Variants in SEMA4A observed in about 807,000 individuals in gnomAD.
SEMA4A encodes semaphorin 4A, also known as semaphorin-4A.
Under a neutral mutation model 72.5 loss-of-function variants are expected in SEMA4A, and 52 were observed. That is an observed-to-expected ratio of 0.72 (90% CI 0.57 to 0.90). The LOEUF (loss-of-function observed/expected upper bound fraction) is 0.90. Ranked by LOEUF, SEMA4A falls within the 40% of genes least tolerant of loss-of-function variation. The probability of loss-of-function intolerance (pLI) is 0.00; values close to 1 mark genes in which losing one functional copy is unlikely to be tolerated. For missense variants in SEMA4A, 926 were observed against 959.7 expected, an observed-to-expected ratio of 0.96 and a Z score of 0.46; for synonymous variants, 369 against 393.1, an observed-to-expected ratio of 0.94 and a Z score of 0.73.
rs769144891 is a variant in SEMA4A, at chr1:156,161,448, C to T, written c.913C>T (p.Arg305Cys). The change falls in exon 9 of 15, where the codon CGC becomes TGC. Residue 305 changes from arginine (R) to cysteine (C), a missense_variant. Arg to Cys is a radical substitution (Grantham distance 180). Coordinates refer to ENST00000368285, the MANE Select transcript of SEMA4A (RefSeq NM_022367.4). ...QPGQLPFNVI[R>C]HAVLLPADSP... Reference sequence around the variant, plus strand: ...GGGGCAGCTGCCCTTCAACGTCATCCGCCACGCGGTCCTGCTCCCCGCCGA... The same window carrying T: ...GGGGCAGCTGCCCTTCAACGTCATCTGCCACGCGGTCCTGCTCCCCGCCGA... The T allele has an allele frequency of 8.7e-6, 14 of 1,613,998 alleles. No individual in the cohort carries two copies. Among genetic ancestry groups the T allele is most frequent in the Non-Finnish European group, 1.2e-5 (14 of 1,179,992 alleles).
rs1653247820 is a variant in SEMA4A, at chr1:156,158,390, A to T, written c.366A>T (p.Thr122=). ...CCTAAATTCTCTGTCTCCCTCAGACACAGTGTTTCAACTTCATCCGTGTCC... is the reference window on the plus strand; with the variant it reads ...CCTAAATTCTCTGTCTCCCTCAGACTCAGTGTTTCAACTTCATCCGTGTCC... ...ECAFKKKSNE[T]QCFNFIRVLV... Residue 122 remains threonine (T), a splice_region_variant and synonymous_variant, in exon 5 of 15, where the codon ACA becomes ACT. Transcript: ENST00000368285. 1.2e-6 allele frequency: 2 copies of T among 1,612,860 alleles called. No individual in the cohort carries two copies. Among genetic ancestry groups the T allele is most frequent in the Admixed American group, 1.7e-5 (1 of 60,002 alleles).
chr1:156,158,054 A>C lies in SEMA4A; in HGVS notation c.301-16A>C. On this transcript the variant is annotated splice_polypyrimidine_tract_variant and intron_variant, in intron 3 of 14. Transcript: ENST00000368285. ...TTATTTCTTTTCATCTCGCCCTCCC[A>C]ACTCCCCACTTTCAGATACCGTGGC... The C allele has an allele frequency of 1.2e-6, 2 of 1,613,962 alleles. No individual in the cohort carries two copies. Among genetic ancestry groups the C allele is most frequent in the Non-Finnish European group, 1.7e-6 (2 of 1,179,894 alleles).
At chr1:156,170,082 G>A (rs1215650814) in intron 10 of SEMA4A, among the ~76,000 whole-genome samples, 1 of 152,096 alleles carries the variant, frequency 6.6e-6, no homozygotes, top group Non-Finnish European at 1.5e-5. Context: ...CAGCACTTTG[G>A]GAGGCCGAGG....
At chr1:156,163,464 G>A (rs544154479) in intron 10 of SEMA4A, among the ~76,000 whole-genome samples, 427 of 152,256 alleles carry the variant, frequency 2.8e-3, no homozygotes, top group Non-Finnish European at 4.7e-3. Context: ...GCTCACACCT[G>A]TAATCCCAAC....
chr1:156,161,310 G>GGGGGGGGC (rs768092374), intron 8 of SEMA4A, 36 bp from the exon 9 acceptor site: 251 of 1,379,804 alleles, frequency 1.8e-4, no homozygotes, highest in Non-Finnish European at 2.2e-4. Flanking sequence ...GGGTCGGGGC[G>GGGGGGGGC]CCCGGGGCGC....
intron 1 of SEMA4A, chr1:156,154,299 A>G: frequency 1.9e-6 from 1 of 515,152 alleles, no homozygotes; most frequent in Non-Finnish European, 3.5e-6. Flanking sequence ...AGAAGACAAC[A>G]GAAGAAGCAG....
chr1:156,160,684 G>A, intron 7 of SEMA4A, 125 bp downstream of exon 7: 1 of 1,050,794 alleles, frequency 9.5e-7, no homozygotes, highest in Non-Finnish European at 1.5e-6. Context: ...ATATGGCAGG[G>A]AAGAAGGCAA....
intron 1 of SEMA4A, chr1:156,154,235 C>G (rs1021169660): frequency 2.1e-5 from 7 of 333,926 alleles, no homozygotes; most frequent in Non-Finnish European, 3.9e-5. Context: ...GGAGGAAAGA[C>G]AGGAAAGACT....
In SEMA4A at chr1:156,175,145, T is replaced by C. The variant is rs2103009612; in HGVS notation, c.1494T>C (p.Ser498=). 3 of 1,614,166 alleles carry C rather than the reference T, an allele frequency of 1.9e-6. No homozygotes were observed. The highest frequency in any genetic ancestry group is 4.5e-5 in the East Asian group (2 of 44,882). The change falls in exon 13 of 15, where the codon AGT becomes AGC. Residue 498 remains serine, a synonymous_variant. Coordinates refer to ENST00000368285, the MANE Select transcript of SEMA4A (RefSeq NM_022367.4). ...GGAGGGTGCCCCGAGCCAACTGTAG[T>C]GTCTATGAGAGCTGTGTGGACTGTG... ...GVWRVPRANC[S]VYESCVDCVL...
Position 156,157,961 on chromosome 1 carries a change from A to G in SEMA4A, c.301-109A>G. ...ACTGCCCATCAGCATGTCACTAACCACCATGTCTGCTGGTTATTTCACATC... is the reference window on the plus strand; with the variant it reads ...ACTGCCCATCAGCATGTCACTAACCGCCATGTCTGCTGGTTATTTCACATC... On this transcript the variant is annotated intron_variant, in intron 3 of 14. Transcript: ENST00000368285. The surrounding 1 kb of genome is among the most constrained non-coding windows in gnomAD (Gnocchi z 4.5). 1 of 1,098,746 alleles carries G rather than the reference A, an allele frequency of 9.1e-7. No individual in the cohort carries two copies. Among genetic ancestry groups the G allele is most frequent in the South Asian group, 1.3e-5 (1 of 75,754 alleles). The allele number at this position is 1,098,746 out of a possible 1,614,324, so 68.1% of individuals were successfully genotyped here. A position where few individuals can be genotyped will look rare whatever the true frequency, so the allele number is the denominator to read the frequency against.
At position 156,160,511 on chromosome 1, in the gene SEMA4A, G is replaced by T; in HGVS notation, c.637G>T (p.Gly213Ter). 2 of 1,614,064 alleles carry T rather than the reference G, an allele frequency of 1.2e-6. No individual in the cohort carries two copies. Among genetic ancestry groups the T allele is most frequent in the South Asian group, 1.1e-5 (1 of 91,086 alleles). Residue 213 changes from glycine (G) to a stop codon, truncating the protein, a stop_gained, in exon 7 of 15, where the codon GGA becomes TGA. Transcript: ENST00000368285. LOFTEE classifies it high-confidence loss of function. Reference protein sequence around the residue: ...GSEPILMRTLGSQPVLKTDNF... With the variant: ...GSEPILMRTL ...TGAGCCCATCCTGATGCGCACACTGGGATCCCAGCCTGTCCTCAAGACCGA... is the reference window on the plus strand; with the variant it reads ...TGAGCCCATCCTGATGCGCACACTGTGATCCCAGCCTGTCCTCAAGACCGA...
chr1:156,156,745 CTT>C (rs3055907), intron 3 of SEMA4A, among the ~76,000 whole-genome samples, 171 bp downstream of exon 3: 45,838 of 141,030 alleles, frequency 0.33, 6,959 homozygotes, highest in South Asian at 0.35. Context: ...CGTGGCCTCA[CTT>C]TTTTTTTTTT....
chr1:156,175,618 T>A lies in SEMA4A; in HGVS notation c.1655T>A (p.Met552Lys), dbSNP rs1348877299. 6.2e-7 allele frequency: 1 copy of A among 1,612,826 alleles called. No homozygotes were observed. Among genetic ancestry groups the A allele is most frequent in the Non-Finnish European group, 8.5e-7 (1 of 1,179,500 alleles). ...NPEWACASGP[M>K]SRSLRPQSRP... ...GAGTGGGCATGTGCCAGTGGCCCCA[T>A]GAGCAGGAGCCTTCGGCCTCAGAGC... Residue 552 changes from methionine to lysine, a missense_variant, in exon 14 of 15, where the codon ATG becomes AAG. By Grantham distance (95) the Met-to-Lys change is moderately conservative. Coordinates refer to ENST00000368285, the MANE Select transcript of SEMA4A (RefSeq NM_022367.4).
intron 10 of SEMA4A, 29 bp from the exon 11 acceptor site, chr1:156,172,797 C>T: frequency 3.7e-6 from 6 of 1,612,804 alleles, no homozygotes; most frequent in Non-Finnish European, 5.1e-6. Context: ...AGGGGCAAAC[C>T]AACCTGATCT....
intron 10 of SEMA4A, among the ~76,000 whole-genome samples, chr1:156,172,333 C>G (rs1338424284): frequency 6.6e-6 from 1 of 151,984 alleles, no homozygotes; most frequent in African/African-American, 2.4e-5. Context: ...CCAGGCTGGT[C>G]TCGAACTCCT....
At chr1:156,156,104 C>T (rs1652991101) in intron 2 of SEMA4A, 1 of 400,312 alleles carries the variant, frequency 2.5e-6, no homozygotes, top group Admixed American at 3.6e-5. Context: ...TAGTGAGGAC[C>T]AAGGCGTCCT....
At chr1:156,156,857 C>A (rs150766089) in intron 3 of SEMA4A, among the ~76,000 whole-genome samples, 178 of 151,774 alleles carry the variant, frequency 1.2e-3, no homozygotes, top group African/African-American at 3.9e-3. Flanking sequence ...AATTCTCCTG[C>A]CTCAGCCTCC....
At chr1:156,148,180 C>T (rs751665054), upstream of SEMA4A, among the ~76,000 whole-genome samples, 1 of 152,180 alleles carries the variant, frequency 6.6e-6, no homozygotes, top group Non-Finnish European at 1.5e-5. Flanking sequence ...GGGGCAGGGA[C>T]ACAAGGATGT....
Position 156,174,901 on chromosome 1 carries a change from C to T in SEMA4A, c.1395C>T (p.Asp465=), listed in dbSNP as rs143794631. 5 of 1,614,070 alleles carry T rather than the reference C, an allele frequency of 3.1e-6. No individual in the cohort carries two copies. The highest frequency in any genetic ancestry group is 3.4e-6 in the Non-Finnish European group (4 of 1,180,032). ...HLVEEIQLFP[D]PEPVRNLQLA... ...TGGAAGAGATTCAGCTGTTCCCTGA[C>T]CCTGAACCTGTTCGCAACCTGCAGC... The change falls in exon 12 of 15, where the codon GAC becomes GAT. Residue 465 remains aspartate, a synonymous_variant. Coordinates refer to ENST00000368285, the MANE Select transcript of SEMA4A (RefSeq NM_022367.4).
Sources: allele counts gnomAD v4.1 joint callset (sites outside exome capture counted in the v4.1 genomes callset), GRCh38; gene constraint gnomAD v4.1.1; non-coding constraint Gnocchi (gnomAD v3.1); transcripts MANE v1.5; gene names NCBI Gene and HGNC (gene_info 2026-07-23, HGNC 2026-07-21).